CELSR1: variants seen among roughly 807,000 people sequenced by gnomAD.
CELSR1 encodes the protein adhesion G protein-coupled receptor C1.
CELSR1 carries 110 observed loss-of-function variants against 249.1 expected under a neutral mutation model. The ratio of observed to expected loss-of-function variants is 0.44; its 90% confidence interval spans 0.38 to 0.52. The LOEUF (loss-of-function observed/expected upper bound fraction) is 0.52. Among genes scored for constraint, CELSR1 ranks in the 20% least tolerant of loss-of-function variants. CELSR1 has a pLI of 0.00. For missense variants in CELSR1, 4,109 were observed against 4,296.4 expected (o/e 0.96, Z 1.22); for synonymous variants, 2,113 against 1,900.0 (o/e 1.11, Z -2.92).
Position 46,399,719 on chromosome 22 carries a change from G to C in CELSR1, c.5410C>G (p.Gln1804Glu). ...AGGAGGTGCAGGTGCCAGCTCACCTGGTCCATCCCATAGTCCAAGGTCATG... is the reference window on the plus strand; with the variant it reads ...AGGAGGTGCAGGTGCCAGCTCACCTCGTCCATCCCATAGTCCAAGGTCATG... ...VTMTLDYGMD[Q>E]NKADIGGMLP... The change falls in exon 10 of 35, where the codon CAG becomes GAG. Residue 1804 changes from glutamine (Q) to glutamate (E), a missense_variant and splice_region_variant. Physicochemically the swap from Gln to Glu is conservative, Grantham distance 29. Coordinates refer to ENST00000674500, the MANE Select transcript of CELSR1 (RefSeq NM_001378328.1). The surrounding 1 kb of genome is among the most constrained non-coding windows in gnomAD (Gnocchi z 5.0). The C allele has an allele frequency of 1.2e-6, 2 of 1,613,784 alleles. No individual in the cohort carries two copies.
rs1330824959 is a variant in CELSR1, at chr22:46,384,682, A to G, written c.6744T>C (p.Leu2248=). The change falls in exon 20 of 35, where the codon CTT becomes CTC. Residue 2248 remains leucine, a synonymous_variant. Coordinates refer to ENST00000674500, the MANE Select transcript of CELSR1 (RefSeq NM_001378328.1). ...TGAACTTGTCAAAGATGTCGACAGC[A>G]AGAACTGGGGGGACAGTTCCTTTAA... ...PFVIVTANMI[L]AVDIFDKFNF... 6.2e-7 allele frequency: 1 copy of G among 1,612,620 alleles called. No homozygotes were observed. Among genetic ancestry groups the G allele is most frequent in the South Asian group, 1.1e-5 (1 of 90,624 alleles).
chr22:46,421,801 G>T (rs1438205068), intron 5 of CELSR1, among the ~76,000 whole-genome samples: 1 of 152,202 alleles, frequency 6.6e-6, no homozygotes, highest in Non-Finnish European at 1.5e-5. Flanking sequence ...CTTAGCAGAG[G>T]CCCCACTAGT....
At chr22:46,470,895 T>TG (rs1474494131) in intron 1 of CELSR1, among the ~76,000 whole-genome samples, 3 of 152,046 alleles carry the variant, frequency 2.0e-5, no homozygotes, top group African/African-American at 7.2e-5. Flanking sequence ...GAGGCCGAGG[T>TG]GGGCGGATCA....
chr22:46,492,572 C>G (rs1287243399), intron 1 of CELSR1, among the ~76,000 whole-genome samples: 1 of 152,158 alleles, frequency 6.6e-6, no homozygotes, highest in Non-Finnish European at 1.5e-5. Context: ...GCCTGTAAAC[C>G]CAGCACTTTG....
chr22:46,367,804 C>G lies in CELSR1; in HGVS notation c.8004G>C (p.Trp2668Cys). The change falls in exon 28 of 35, where the codon TGG (tryptophan) becomes TGC (cysteine). Residue 2668 changes from tryptophan to cysteine, a missense_variant. Transcript: ENST00000674500. Reference protein sequence around the residue: ...FLLLLLISATWLLGLLAVNRD... With the variant: ...FLLLLLISATCLLGLLAVNRD... ...GGTTCACAGCCAGCAGCCCCAGCAG[C>G]CAGGTGGCGCTGATGAGCAGCAGCA... 1 of 1,611,824 alleles carries G rather than the reference C, an allele frequency of 6.2e-7. No homozygotes were observed. The highest frequency in any genetic ancestry group is 8.5e-7 in the Non-Finnish European group (1 of 1,179,714).
intron 5 of CELSR1, among the ~76,000 whole-genome samples, chr22:46,421,859 C>A (rs116075356): frequency 2.6e-5 from 4 of 152,332 alleles, no homozygotes; most frequent in South Asian, 2.1e-4. Context: ...GGGAAGCTCA[C>A]GAAGGGCGTG....
intron 1 of CELSR1, among the ~76,000 whole-genome samples, chr22:46,529,527 GC>G (rs535893146): frequency 1.1e-4 from 16 of 151,198 alleles, no homozygotes; most frequent in African/African-American, 3.9e-4. Context: ...ATAAGGCCAG[GC>G]ACAGTGGCTC....
chr22:46,464,170 G>A lies in CELSR1; in HGVS notation c.3720C>T (p.Asp1240=), dbSNP rs554439369. The A allele has an allele frequency of 3.0e-5, 48 of 1,613,718 alleles. No individual in the cohort carries two copies. Among genetic ancestry groups the A allele is most frequent in the Non-Finnish European group, 3.6e-5 (42 of 1,180,024 alleles). The change falls in exon 2 of 35, where the codon GAC becomes GAT. Residue 1240 remains aspartate (D), a synonymous_variant. Coordinates refer to ENST00000674500, the MANE Select transcript of CELSR1 (RefSeq NM_001378328.1). The surrounding 1 kb of genome is among the most constrained non-coding windows in gnomAD (Gnocchi z 8.5). Reference sequence around the variant, plus strand: ...TCTGGACGTTGAAGACGAAGACGTCGTCCTTGGTGGTGGACAGCACGGCGG... The same window carrying A: ...TCTGGACGTTGAAGACGAAGACGTCATCCTTGGTGGTGGACAGCACGGCGG... ...GVAAVLSTTK[D]DVFVFNVQND...
At chr22:46,522,330 C>G (rs904728648) in intron 1 of CELSR1, among the ~76,000 whole-genome samples, 5 of 152,206 alleles carry the variant, frequency 3.3e-5, no homozygotes, top group Non-Finnish European at 7.4e-5. Context: ...GTAGAAATTG[C>G]CAATTCCTCG....
chr22:46,394,787 G>A (rs184658047), intron 13 of CELSR1, among the ~76,000 whole-genome samples: 173 of 152,282 alleles, frequency 1.1e-3, no homozygotes, highest in East Asian at 2.7e-3. Flanking sequence ...GGCGGCATGC[G>A]CCCGTGCACT....
intron 5 of CELSR1, among the ~76,000 whole-genome samples, chr22:46,424,474 A>C (rs1303844287): frequency 2.0e-5 from 3 of 152,174 alleles, no homozygotes; most frequent in Non-Finnish European, 4.4e-5. Context: ...TGTACCCCTT[A>C]CAGTTTCCAT....
At chr22:46,375,024 T>C (rs2078903501) in intron 24 of CELSR1, among the ~76,000 whole-genome samples, 1 of 152,086 alleles carries the variant, frequency 6.6e-6, no homozygotes, top group Admixed American at 6.5e-5. Context: ...TGGGAAGCCA[T>C]GGAGGCTTCT....
chr22:46,400,569 T>G (rs1359575878), intron 9 of CELSR1, among the ~76,000 whole-genome samples: 1 of 152,020 alleles, frequency 6.6e-6, no homozygotes, highest in African/African-American at 2.4e-5. Context: ...CCTGGGAGTC[T>G]ACTAGAGGTT....
chr22:46,421,613 C>T (rs1410615560), intron 5 of CELSR1, among the ~76,000 whole-genome samples: 1 of 152,240 alleles, frequency 6.6e-6, no homozygotes. Context: ...CGCCTGCAAG[C>T]AGGGCCCTGC....
intron 1 of CELSR1, among the ~76,000 whole-genome samples, chr22:46,514,103 AT>A (rs1424193435): frequency 6.6e-6 from 1 of 151,550 alleles, no homozygotes; most frequent in Non-Finnish European, 1.5e-5. Context: ...CTCATTTGTA[AT>A]TTTTCACAGC....
rs1218717593 is a variant in CELSR1, at chr22:46,381,841, C to A, written c.7088+5G>T. ...CTCCCCGTGTGCCCCGTGCCCAGGC[C>A]TTACCGGAGGCTGCGACGGTCGGGG... On this transcript the variant is annotated splice_donor_5th_base_variant and intron_variant, in intron 21 of 34. Transcript: ENST00000674500. The surrounding 1 kb of genome is among the most constrained non-coding windows in gnomAD (Gnocchi z 6.0). 4 of 1,547,368 alleles carry A rather than the reference C, an allele frequency of 2.6e-6. No individual in the cohort carries two copies. The highest frequency in any genetic ancestry group is 1.9e-5 in the Admixed American group (1 of 51,764).
At position 46,380,661 on chromosome 22, in the gene CELSR1, A is replaced by G; in HGVS notation, c.7256+127T>C. On this transcript the variant is annotated intron_variant, in intron 22 of 34. Coordinates refer to ENST00000674500, the MANE Select transcript of CELSR1 (RefSeq NM_001378328.1). The surrounding 1 kb of genome is among the most constrained non-coding windows in gnomAD (Gnocchi z 5.1). ...AGGAGGCTCACTGCCCCCACGGGGG[A>G]CTTAAAGGGGAAACACAGACCACAA... is the stretch of plus-strand genomic sequence containing the variant. 1 of 1,080,536 alleles carries G rather than the reference A, an allele frequency of 9.3e-7. No homozygotes were observed. The highest frequency in any genetic ancestry group is 1.3e-6 in the Non-Finnish European group (1 of 751,840). 66.9% of individuals were successfully genotyped at this position (1,080,536 alleles called of 1,614,324 possible).
At chr22:46,508,673 G>A (rs34074455) in intron 1 of CELSR1, among the ~76,000 whole-genome samples, 16,209 of 152,098 alleles carry the variant, frequency 0.11, 1,083 homozygotes, top group Non-Finnish European at 0.15. Flanking sequence ...ATGGCGCGTC[G>A]CCTTCCAAGG....
Position 46,410,375 on chromosome 22 carries a change from G to T in CELSR1, c.4933+23C>A. On this transcript the variant is annotated intron_variant, in intron 7 of 34. Coordinates refer to ENST00000674500, the MANE Select transcript of CELSR1 (RefSeq NM_001378328.1). The surrounding 1 kb of genome is among the most constrained non-coding windows in gnomAD (Gnocchi z 6.8). Reference sequence around the variant, plus strand: ...AGCCAGATGCCACTGCGGCAGCTCCGACGCCCTGACGGCCACCCGTACCTT... The same window carrying T: ...AGCCAGATGCCACTGCGGCAGCTCCTACGCCCTGACGGCCACCCGTACCTT... 6.2e-7 allele frequency: 1 copy of T among 1,602,156 alleles called. No homozygotes were observed. Among genetic ancestry groups the T allele is most frequent in the Admixed American group, 1.7e-5 (1 of 59,756 alleles).
Sources: gnomAD v4.1 joint callset for allele counts (sites outside exome capture counted in the v4.1 genomes callset) on GRCh38, gnomAD v4.1.1 for gene constraint, Gnocchi (gnomAD v3.1) non-coding constraint, MANE v1.5 for transcripts, NCBI Gene and HGNC (gene_info 2026-07-23, HGNC 2026-07-21) for gene names.